TMEM132D: variants seen among roughly 807,000 people sequenced by gnomAD.
TMEM132D encodes mature OL transmembrane protein.
TMEM132D carries 21 observed loss-of-function variants against 62.3 expected under a neutral mutation model. The ratio of observed to expected loss-of-function variants is 0.34; its 90% CI spans 0.24 to 0.49. The LOEUF is 0.49. Among genes scored for constraint, TMEM132D ranks in the 20% least tolerant of loss-of-function variants. The pLI, the probability that TMEM132D is intolerant of heterozygous loss-of-function variation, is 0.99. For synonymous variants in TMEM132D, 621 were observed against 575.6 expected, an observed-to-expected ratio of 1.08 and a Z score of -1.13; for missense variants, 1,346 against 1,402.8, an observed-to-expected ratio of 0.96 and a Z score of 0.65.
At chr12:129,302,627 C>T (rs891825006) in intron 4 of TMEM132D, among the ~76,000 whole-genome samples, 1 of 152,220 alleles carries the variant, frequency 6.6e-6, no homozygotes, top group Non-Finnish European at 1.5e-5. Context: ...AGGCCCATTC[C>T]AGATGCTTCC....
chr12:129,465,024 T>A (rs2137042441), intron 3 of TMEM132D, among the ~76,000 whole-genome samples: 1 of 151,554 alleles, frequency 6.6e-6, no homozygotes, highest in Admixed American at 6.6e-5. Context: ...ATTGGTAGCT[T>A]GATGGGGATG....
chr12:129,592,169 C>A (rs2137135687), intron 2 of TMEM132D, among the ~76,000 whole-genome samples: 1 of 152,200 alleles, frequency 6.6e-6, no homozygotes, highest in South Asian at 2.1e-4. Context: ...TTCACCAAAA[C>A]TCTGCAGAAT....
intron 1 of TMEM132D, among the ~76,000 whole-genome samples, chr12:129,807,380 C>A (rs1244756229): frequency 6.6e-6 from 1 of 152,166 alleles, no homozygotes; most frequent in African/African-American, 2.4e-5. Flanking sequence ...CAGGTGGCAG[C>A]CACCAAAGAG....
chr12:129,429,472 C>A (rs1872591339), intron 3 of TMEM132D, among the ~76,000 whole-genome samples: 1 of 152,132 alleles, frequency 6.6e-6, no homozygotes. Context: ...CCCCAGGGAG[C>A]TGGTGCCTTG....
intron 1 of TMEM132D, among the ~76,000 whole-genome samples, chr12:129,755,271 T>A (rs1870129272): frequency 6.6e-6 from 1 of 152,266 alleles, no homozygotes; most frequent in Non-Finnish European, 1.5e-5. Flanking sequence ...TCCAAAGGTT[T>A]TTTGAGCCAG....
At chr12:129,096,566 G>A (rs1333249682) in intron 5 of TMEM132D, among the ~76,000 whole-genome samples, 5 of 152,136 alleles carry the variant, frequency 3.3e-5, no homozygotes, top group South Asian at 4.2e-4. Context: ...GAAAAAGAGC[G>A]GGACTCAGCT....
chr12:129,854,049 C>A (rs1873633402), intron 1 of TMEM132D, among the ~76,000 whole-genome samples: 1 of 152,078 alleles, frequency 6.6e-6, no homozygotes, highest in African/African-American at 2.4e-5. Context: ...TTTGGTAACT[C>A]GAGGCGGGGA....
intron 3 of TMEM132D, among the ~76,000 whole-genome samples, chr12:129,432,199 A>G (rs1056365962): frequency 2.7e-5 from 4 of 149,496 alleles, no homozygotes; most frequent in African/African-American, 9.9e-5. Flanking sequence ...GGATGGATGG[A>G]TGGTTGCATG....
intron 2 of TMEM132D, among the ~76,000 whole-genome samples, chr12:129,621,743 C>T (rs550878329): frequency 7.5e-4 from 115 of 152,324 alleles, no homozygotes; most frequent in African/African-American, 2.6e-3. Flanking sequence ...CTATCACTAT[C>T]TCCAACAAAG....
At chr12:129,592,887 G>A (rs1181903264) in intron 2 of TMEM132D, among the ~76,000 whole-genome samples, 1 of 152,144 alleles carries the variant, frequency 6.6e-6, no homozygotes, top group African/African-American at 2.4e-5. Flanking sequence ...TATTTTATTA[G>A]TAAAAACCTC....
At chr12:129,078,504 C>T (rs2135610834) in intron 8 of TMEM132D, 30 bp downstream of exon 8, 6 of 1,601,692 alleles carry the variant, frequency 3.7e-6, no homozygotes, top group Non-Finnish European at 5.1e-6. Context: ...AGGGACCCTG[C>T]TGAAGTGTGT....
intron 3 of TMEM132D, among the ~76,000 whole-genome samples, chr12:129,424,581 A>G (rs937052854): frequency 2.3e-4 from 35 of 151,750 alleles, no homozygotes; most frequent in South Asian, 8.3e-4. Flanking sequence ...GGTGGTGGGC[A>G]CCTGTAGTCC....
chr12:129,089,372 C>T lies in TMEM132D; in HGVS notation c.1444-4670G>A, dbSNP rs1178439250. Among the ~76,000 whole-genome samples the T allele has an allele frequency of 8.2e-5, 5 of 60,968 alleles. 2 individuals are homozygous for T. Among genetic ancestry groups the T allele is most frequent in the African/African-American group, 4.2e-4 (4 of 9,542 alleles). The allele number at this position is 60,968 out of a possible 152,430, so 40.0% of individuals were successfully genotyped here. On this transcript the variant is annotated intron_variant, in intron 5 of 8. Transcript: ENST00000422113. The stretch of plus-strand genomic sequence containing the variant: ...CCATGACCGGGGTGTCCTCTATGAC[C>T]GGGATGTCCTCCATGACCGGGTGTC...
intron 5 of TMEM132D, among the ~76,000 whole-genome samples, chr12:129,146,987 C>T (rs898423395): frequency 1.3e-5 from 2 of 151,962 alleles, no homozygotes; most frequent in African/African-American, 4.8e-5. Context: ...CAATTTGGCT[C>T]TGGAATCCAC....
chr12:129,232,429 A>C (rs1879667749), intron 4 of TMEM132D, among the ~76,000 whole-genome samples: 1 of 152,212 alleles, frequency 6.6e-6, no homozygotes, highest in Non-Finnish European at 1.5e-5. Context: ...AGTAAGGGAA[A>C]AACACTCTGC....
chr12:129,106,916 C>T (rs1441745914), intron 5 of TMEM132D, among the ~76,000 whole-genome samples: 2 of 152,210 alleles, frequency 1.3e-5, no homozygotes, highest in East Asian at 3.9e-4. Context: ...GTCACCACTG[C>T]TGTCTTTGCC....
At chr12:129,105,773 G>T (rs1875478596) in intron 5 of TMEM132D, among the ~76,000 whole-genome samples, 1 of 151,392 alleles carries the variant, frequency 6.6e-6, no homozygotes, top group African/African-American at 2.5e-5. Context: ...AACGACAGGT[G>T]CTGGAGAGGA....
intron 4 of TMEM132D, among the ~76,000 whole-genome samples, chr12:129,229,761 C>T (rs1241385415): frequency 2.0e-5 from 3 of 152,090 alleles, no homozygotes; most frequent in African/African-American, 7.2e-5. Flanking sequence ...CTAGAGGCAC[C>T]GAAAGTGCTT....
intron 2 of TMEM132D, among the ~76,000 whole-genome samples, chr12:129,539,388 C>T (rs1250350584): frequency 6.8e-6 from 1 of 147,340 alleles, no homozygotes; most frequent in Non-Finnish European, 1.5e-5. Context: ...TGAGCCACCA[C>T]ATTTGGCTAA....
Sources: gnomAD v4.1 joint callset for allele counts (sites outside exome capture counted in the v4.1 genomes callset) on GRCh38, gnomAD v4.1.1 for gene constraint, MANE v1.5 for transcripts, NCBI Gene and HGNC (gene_info 2026-07-23, HGNC 2026-07-21) for gene names.